NXPH4: variants seen among roughly 807,000 people sequenced by gnomAD.
NXPH4 encodes the protein neurexophilin 4, also known as neurexophilin-4.
A neutral mutation model predicts 21.3 loss-of-function variants in NXPH4; 8 were observed. The observed-to-expected ratio is 0.38, with a 90% CI of 0.22 to 0.68. The LOEUF (loss-of-function observed/expected upper bound fraction) is 0.68, where lower values mean the gene tolerates loss of function less well. Among genes scored for constraint, NXPH4 ranks in the 30% least tolerant of loss-of-function variants. The probability of loss-of-function intolerance (pLI) is 0.53; values close to 1 mark genes in which losing one functional copy is unlikely to be tolerated. For synonymous variants in NXPH4, 219 were observed against 192.6 expected (o/e 1.14, Z -1.13); for missense variants, 418 against 416.8 (o/e 1.00, Z -0.03).
At chr12:57,217,117 GC>G (rs1592672231) in intron 1 of NXPH4, 91 bp downstream of exon 1, 10 of 1,188,426 alleles carry the variant, frequency 8.4e-6, no homozygotes, top group East Asian at 5.7e-5. Flanking sequence ...CGCCCGCCCC[GC>G]CCCCAGCTCC....
intron 1 of NXPH4, 82 bp downstream of exon 1, chr12:57,217,108 G>C: frequency 8.5e-7 from 1 of 1,173,666 alleles, no homozygotes; most frequent in Admixed American, 2.2e-5. Flanking sequence ...GGCTCCGTGC[G>C]CCCGCCCCGC....
intron 1 of NXPH4, among the ~76,000 whole-genome samples, chr12:57,221,137 C>T (rs531247944): frequency 1.7e-3 from 260 of 152,176 alleles, no homozygotes; most frequent in African/African-American, 6.0e-3. Flanking sequence ...TCCCAGTCCC[C>T]CTCCCTCTCT....
At chr12:57,219,446 C>G (rs1323204154) in intron 1 of NXPH4, among the ~76,000 whole-genome samples, 2 of 152,192 alleles carry the variant, frequency 1.3e-5, no homozygotes, top group African/African-American at 4.8e-5. Context: ...TCAATAGTCA[C>G]TAATCACTAA....
At chr12:57,217,100 C>A in intron 1 of NXPH4, 74 bp downstream of exon 1, 1 of 1,266,566 alleles carries the variant, frequency 7.9e-7, no homozygotes, top group Non-Finnish European at 1.1e-6. Context: ...GTGCGAGGGG[C>A]TCCGTGCGCC....
intron 1 of NXPH4, among the ~76,000 whole-genome samples, chr12:57,220,455 G>GAAATAAAATA (rs138224994): frequency 4.8e-4 from 73 of 151,298 alleles, no homozygotes; most frequent in African/African-American, 1.7e-3. Flanking sequence ...AGGAAGCAGG[G>GAAATAAAATA]AAATAAAATA....
chr12:57,219,465 T>A (rs1162477596), intron 1 of NXPH4, among the ~76,000 whole-genome samples: 1 of 152,132 alleles, frequency 6.6e-6, no homozygotes, highest in Non-Finnish European at 1.5e-5. Context: ...AATCACTAAT[T>A]ACTAATTAGC....
Position 57,216,994 on chromosome 12 carries a change from C to T in NXPH4, c.25C>T (p.Leu9Phe), listed in dbSNP as rs771427025. The T allele has an allele frequency of 2.5e-6, 4 of 1,606,696 alleles. No individual in the cohort carries two copies. Among genetic ancestry groups the T allele is most frequent in the Non-Finnish European group, 3.4e-6 (4 of 1,177,176 alleles). MRLLPEWF[L>F]LLFGPWLLRK... ...GATGCGGCTGCTCCCGGAATGGTTC[C>T]TCTTGCTCTTTGGCCCGTGGCTCCT... The change falls in exon 1 of 2, where the codon CTC (leucine) becomes TTC (phenylalanine). Residue 9 changes from leucine (L) to phenylalanine (F), a missense_variant. Transcript: ENST00000349394. This position sits in a 1 kb window ranked among gnomAD's most constrained non-coding sequence, Gnocchi z 5.3.
intron 1 of NXPH4, chr12:57,221,557 G>T: frequency 2.9e-6 from 1 of 340,560 alleles, no homozygotes; most frequent in East Asian, 8.0e-5. Flanking sequence ...GCGTGGGCCC[G>T]CTGCCTCGGG....
intron 1 of NXPH4, among the ~76,000 whole-genome samples, chr12:57,222,994 G>A (rs942351722): frequency 1.3e-5 from 2 of 152,154 alleles, no homozygotes; most frequent in African/African-American, 4.8e-5. Flanking sequence ...CACTGTGTGT[G>A]TACACATGGG....
intron 1 of NXPH4, among the ~76,000 whole-genome samples, chr12:57,218,402 T>C (rs1354571179): frequency 6.6e-6 from 1 of 152,176 alleles, no homozygotes; most frequent in Non-Finnish European, 1.5e-5. Flanking sequence ...CTGTCCTTAG[T>C]GAACTGGAGG....
chr12:57,225,948 C>T lies in NXPH4; in HGVS notation c.*201C>T, dbSNP rs1314095578. ...GGAGTGCCCGCAAGGCTGGGGTAGCCCCCTCCAGTACACCCCAAAGTGAAA... is the reference window on the plus strand; with the variant it reads ...GGAGTGCCCGCAAGGCTGGGGTAGCTCCCTCCAGTACACCCCAAAGTGAAA... On this transcript the variant is annotated 3_prime_UTR_variant, in exon 2 of 2. Transcript: ENST00000349394. The T allele has an allele frequency of 4.2e-6, 6 of 1,433,236 alleles. No individual in the cohort carries two copies. In the African/African-American group the frequency reaches 4.3e-5, roughly 10 times the overall value. The allele number at this position is 1,433,236 out of a possible 1,614,324, so 88.8% of individuals were successfully genotyped here. A position where few individuals can be genotyped will look rare whatever the true frequency, so the allele number is the denominator to read the frequency against.
At position 57,216,981 on chromosome 12, in the gene NXPH4, C is replaced by T. The variant is rs1284240999; in HGVS notation, c.12C>T (p.Leu4=). 1 of 1,603,796 alleles carries T rather than the reference C, an allele frequency of 6.2e-7. No homozygotes were observed. Among genetic ancestry groups the T allele is most frequent in the Admixed American group, 1.7e-5 (1 of 59,304 alleles). The change falls in exon 1 of 2, where the codon CTC becomes CTT. Residue 4 remains leucine (L), a synonymous_variant. Transcript: ENST00000349394. This position sits in a 1 kb window ranked among gnomAD's most constrained non-coding sequence, Gnocchi z 5.3. MRL[L]PEWFLLLFGP... ...AGCCGCCAGAGAAGATGCGGCTGCTCCCGGAATGGTTCCTCTTGCTCTTTG... is the reference window on the plus strand; with the variant it reads ...AGCCGCCAGAGAAGATGCGGCTGCTTCCGGAATGGTTCCTCTTGCTCTTTG...
At position 57,224,898 on chromosome 12, in the gene NXPH4, A is replaced by G; in HGVS notation, c.78A>G (p.Pro26=). 9.2e-7 allele frequency: 1 copy of G among 1,086,160 alleles called. No individual in the cohort carries two copies. Among genetic ancestry groups the G allele is most frequent in the South Asian group, 2.1e-5 (1 of 47,014 alleles). 67.3% of individuals were successfully genotyped at this position (1,086,160 alleles called of 1,614,324 possible). A position where few individuals can be genotyped will look rare whatever the true frequency, so the allele number is the denominator to read the frequency against. Residue 26 remains proline, a synonymous_variant, in exon 2 of 2, where the codon CCA becomes CCG. Transcript: ENST00000349394. ...LLRKAVSAQI[P]ESGRPQYLGL... The stretch of plus-strand genomic sequence containing the variant: ...CACAGGCCGTCAGTGCCCAGATACC[A>G]GAGTCCGGAAGGCCGCAGTACCTGG...
chr12:57,224,976 G>T lies in NXPH4; in HGVS notation c.156G>T (p.Glu52Asp). The T allele has an allele frequency of 6.9e-7, 1 of 1,454,380 alleles. No homozygotes were observed. Among genetic ancestry groups the T allele is most frequent in the African/African-American group, 1.5e-5 (1 of 67,650 alleles). The allele number at this position is 1,454,380 out of a possible 1,614,324, so 90.1% of individuals were successfully genotyped here. Reference protein sequence around the residue: ...GAGAPGQQLPEPRSSDGLGVG... With the variant: ...GAGAPGQQLPDPRSSDGLGVG... ...GTGCCCCCGGCCAGCAGCTCCCAGA[G>T]CCAAGGTCTTCGGACGGCCTAGGCG... is the stretch of plus-strand genomic sequence containing the variant. The change falls in exon 2 of 2, where the codon GAG (glutamate) becomes GAT (aspartate). Residue 52 changes from glutamate to aspartate, a missense_variant. By Grantham distance (45) the Glu-to-Asp change is conservative (BLOSUM62 2). Transcript: ENST00000349394.
intron 1 of NXPH4, among the ~76,000 whole-genome samples, chr12:57,222,816 G>T (rs1355013644): frequency 6.6e-6 from 1 of 152,188 alleles, no homozygotes; most frequent in Non-Finnish European, 1.5e-5. Flanking sequence ...CCTCACCTGG[G>T]CTGAGAGGAG....
chr12:57,221,490 C>T (rs1592673938), intron 1 of NXPH4: 4 of 379,794 alleles, frequency 1.1e-5, no homozygotes, highest in East Asian at 7.5e-5. Context: ...AGAGCCACTC[C>T]CCGAAGTGGA....
chr12:57,219,609 T>A (rs1271517886), intron 1 of NXPH4, among the ~76,000 whole-genome samples: 1 of 152,134 alleles, frequency 6.6e-6, no homozygotes, highest in Non-Finnish European at 1.5e-5. Flanking sequence ...CTCCACACCC[T>A]CCTCTAGCCC....
chr12:57,221,453 C>A, intron 1 of NXPH4: 1 of 428,258 alleles, frequency 2.3e-6, no homozygotes, highest in Non-Finnish European at 4.7e-6. Flanking sequence ...CCTGATCCTC[C>A]CCCAATCCCA....
chr12:57,225,660 C>T lies in NXPH4; in HGVS notation c.840C>T (p.Phe280=). 6.2e-7 allele frequency: 1 copy of T among 1,613,884 alleles called. No individual in the cohort carries two copies. ...CAKPFKVICI[F]VSFLSFDYKL... is the part of the protein sequence containing the mutation. The stretch of plus-strand genomic sequence containing the variant: ...AGCCCTTCAAAGTCATCTGTATCTT[C>T]GTCTCTTTCCTCAGCTTTGACTACA... Residue 280 remains phenylalanine, a synonymous_variant, in exon 2 of 2, where the codon TTC becomes TTT. Transcript: ENST00000349394.
Sources: gnomAD v4.1 joint callset for allele counts (sites outside exome capture counted in the v4.1 genomes callset) on GRCh38, gnomAD v4.1.1 for gene constraint, Gnocchi (gnomAD v3.1) non-coding constraint, MANE v1.5 for transcripts, NCBI Gene and HGNC (gene_info 2026-07-23, HGNC 2026-07-21) for gene names.